CAPN1: variants seen among roughly 807,000 people sequenced by gnomAD.
CAPN1 encodes calpain 1.
Under a neutral mutation model 105.2 loss-of-function variants are expected in CAPN1, and 77 were observed. The ratio of observed to expected loss-of-function variants is 0.73; its 90% confidence interval spans 0.61 to 0.88. The LOEUF (loss-of-function observed/expected upper bound fraction) is 0.88, where lower values mean the gene tolerates loss of function less well. CAPN1 is among the 40% of genes least tolerant of loss of function. The probability of loss-of-function intolerance (pLI) is 0.00; values close to 1 mark genes in which losing one functional copy is unlikely to be tolerated. For missense variants in CAPN1, 833 were observed against 976.6 expected, an observed-to-expected ratio of 0.85 and a Z score of 1.96; for synonymous variants, 355 against 388.8, an observed-to-expected ratio of 0.91 and a Z score of 1.02.
intron 11 of CAPN1, among the ~76,000 whole-genome samples, chr11:65,205,181 C>T (rs924638791): frequency 4.6e-5 from 7 of 152,180 alleles, no homozygotes; most frequent in South Asian, 2.1e-4. Context: ...CTGAGCCCTC[C>T]GTCTTGGAAG....
chr11:65,186,246 G>A lies in CAPN1; in HGVS notation c.667G>A (p.Glu223Lys), dbSNP rs779787878. The change falls in exon 6 of 22, where the codon GAG becomes AAG. Residue 223 changes from glutamate to lysine, a missense_variant. Coordinates refer to ENST00000279247, the MANE Select transcript of CAPN1 (RefSeq NM_005186.4). ...GFEDFTGGVTEWYELRKAPSD... is the reference protein window; with the variant it reads ...GFEDFTGGVTKWYELRKAPSD... ...TGAGGACTTCACAGGCGGGGTTACC[G>A]AGTGGTACGAGTTGCGCAAGGCTCC... 12 of 1,613,504 alleles carry A rather than the reference G, an allele frequency of 7.4e-6. No homozygotes were observed. In the Admixed American group the frequency reaches 1.0e-4, roughly 13 times the overall value.
At position 65,209,467 on chromosome 11, in the gene CAPN1, C is replaced by A; in HGVS notation, c.1794+80C>A. On this transcript the variant is annotated intron_variant, in intron 17 of 21. Coordinates refer to ENST00000279247, the MANE Select transcript of CAPN1 (RefSeq NM_005186.4). The surrounding 1 kb of genome is among the most constrained non-coding windows in gnomAD (Gnocchi z 4.1). Reference sequence around the variant, plus strand: ...TGCTGGGAGAACTGTCCCAGGACAGCACAGAGAACAGGACAGAGCCATGCG... The same window carrying A: ...TGCTGGGAGAACTGTCCCAGGACAGAACAGAGAACAGGACAGAGCCATGCG... The A allele has an allele frequency of 1.7e-6, 2 of 1,205,052 alleles. No homozygotes were observed. The highest frequency in any genetic ancestry group is 2.4e-6 in the Non-Finnish European group (2 of 823,346). The allele number at this position is 1,205,052 out of a possible 1,614,324, so 74.6% of individuals were successfully genotyped here.
At chr11:65,190,731 G>A (rs1411119158) in intron 10 of CAPN1, among the ~76,000 whole-genome samples, 1 of 129,404 alleles carries the variant, frequency 7.7e-6, no homozygotes, top group Non-Finnish European at 1.7e-5. Context: ...TTTGTTTTTT[G>A]AGACGGAGTC....
At position 65,182,732 on chromosome 11, in the gene CAPN1, T is replaced by A; in HGVS notation, c.31T>A (p.Cys11Ser). 6.3e-7 allele frequency: 1 copy of A among 1,581,244 alleles called. No homozygotes were observed. The highest frequency in any genetic ancestry group is 1.2e-5 in the South Asian group (1 of 86,530). MSEEIITPVYCTGVSAQVQKQ... is the reference protein window; with the variant it reads MSEEIITPVYSTGVSAQVQKQ... The stretch of plus-strand genomic sequence containing the variant: ...GGAGGAGATCATCACGCCGGTGTAC[T>A]GCACTGGGGTGTCAGCCCAAGTGCA... Residue 11 changes from cysteine to serine, a missense_variant, in exon 2 of 22, where the codon TGC becomes AGC. Cys to Ser is a moderately radical substitution (Grantham distance 112). Coordinates refer to ENST00000279247, the MANE Select transcript of CAPN1 (RefSeq NM_005186.4).
chr11:65,186,458 C>A, intron 6 of CAPN1, 120 bp downstream of exon 6: 1 of 876,570 alleles, frequency 1.1e-6, no homozygotes, highest in African/African-American at 1.7e-5. Flanking sequence ...TAAGCTTCAT[C>A]TCTGGATGCA....
chr11:65,193,644 CAA>C (rs34729975), intron 10 of CAPN1, among the ~76,000 whole-genome samples: 6 of 58,770 alleles, frequency 1.0e-4, no homozygotes, highest in South Asian at 8.4e-4. Flanking sequence ...GACTCTGTCT[CAA>C]AAAAAAAAAA....
In CAPN1 at chr11:65,209,529, C is replaced by T. The variant is rs547946775; in HGVS notation, c.1794+142C>T. 2.7e-6 allele frequency: 2 copies of T among 736,634 alleles called. No individual in the cohort carries two copies. Among genetic ancestry groups the T allele is most frequent in the East Asian group, 2.7e-5 (1 of 36,906 alleles). 45.6% of individuals were successfully genotyped at this position (736,634 alleles called of 1,614,324 possible). A position where few individuals can be genotyped will look rare whatever the true frequency, so the allele number is the denominator to read the frequency against. The stretch of plus-strand genomic sequence containing the variant: ...CACAGTGCCCCATGCTCAGATGTCT[C>T]CCTGGACGTCTTCCTGTTGGTTGGG... On this transcript the variant is annotated intron_variant, in intron 17 of 21. Coordinates refer to ENST00000279247, the MANE Select transcript of CAPN1 (RefSeq NM_005186.4). The surrounding 1 kb of genome is among the most constrained non-coding windows in gnomAD (Gnocchi z 4.1).
At chr11:65,199,541 T>A (rs969756553) in intron 10 of CAPN1, among the ~76,000 whole-genome samples, 10 of 152,186 alleles carry the variant, frequency 6.6e-5, no homozygotes, top group African/African-American at 2.4e-4. Context: ...TCTCTGTATA[T>A]TCTAATAAAA....
chr11:65,190,506 G>A (rs965278432), intron 10 of CAPN1, among the ~76,000 whole-genome samples: 3 of 151,968 alleles, frequency 2.0e-5, no homozygotes, highest in Admixed American at 6.6e-5. Flanking sequence ...ACATCATCTC[G>A]TCTCTCCCCA....
In CAPN1 at chr11:65,205,960, A is replaced by T. The variant is rs1484363308; in HGVS notation, c.1353+239A>T. On this transcript the variant is annotated intron_variant, in intron 12 of 21. Coordinates refer to ENST00000279247, the MANE Select transcript of CAPN1 (RefSeq NM_005186.4). ...CCCTGGTCCTCAGAGCCCCTGTCTG[A>T]CATGTACACATGAGGCTTTTCCTGC... The T allele has an allele frequency of 5.3e-6, 3 of 571,316 alleles. No individual in the cohort carries two copies. In the South Asian group the frequency reaches 6.5e-5, roughly 12 times the overall value. The allele number at this position is 571,316 out of a possible 1,614,324, so 35.4% of individuals were successfully genotyped here. A position where few individuals can be genotyped will look rare whatever the true frequency, so the allele number is the denominator to read the frequency against.
Position 65,182,788 on chromosome 11 carries a change from C to T in CAPN1, c.87C>T (p.Gly29=), listed in dbSNP as rs1391961596. Residue 29 remains glycine (G), a synonymous_variant, in exon 2 of 22, where the codon GGC becomes GGT. Coordinates refer to ENST00000279247, the MANE Select transcript of CAPN1 (RefSeq NM_005186.4). ...AGCGGGCCAGGGAGCTGGGCCTGGG[C>T]CGCCATGAGAATGCCATCAAGTACC... ...QKQRARELGL[G]RHENAIKYLG... 1 of 1,582,272 alleles carries T rather than the reference C, an allele frequency of 6.3e-7. No individual in the cohort carries two copies.
intron 10 of CAPN1, among the ~76,000 whole-genome samples, chr11:65,192,708 C>A (rs947070102): frequency 6.6e-6 from 1 of 151,438 alleles, no homozygotes; most frequent in African/African-American, 2.4e-5. Context: ...AACTCCTGAG[C>A]TCAAATCCTG....
At chr11:65,201,880 T>G (rs1590861408) in intron 10 of CAPN1, among the ~76,000 whole-genome samples, 1 of 150,198 alleles carries the variant, frequency 6.7e-6, no homozygotes, top group African/African-American at 2.5e-5. Context: ...TGGAGTGCAG[T>G]GGCATGATCT....
Position 65,188,252 on chromosome 11 carries a change from G to C in CAPN1, c.930-162G>C. ...CGGGTGTGTGCAGGGCATCAGACTGGCCCTGATGAGACCACCCCCTAGAAG... is the reference window on the plus strand; with the variant it reads ...CGGGTGTGTGCAGGGCATCAGACTGCCCCTGATGAGACCACCCCCTAGAAG... On this transcript the variant is annotated intron_variant, in intron 8 of 21. Transcript: ENST00000279247. The surrounding 1 kb of genome is among the most constrained non-coding windows in gnomAD (Gnocchi z 5.5). The C allele has an allele frequency of 1.4e-6, 1 of 707,754 alleles. No individual in the cohort carries two copies. The highest frequency in any genetic ancestry group is 2.7e-5 in the Admixed American group (1 of 37,436). The allele number at this position is 707,754 out of a possible 1,614,324, so 43.8% of individuals were successfully genotyped here.
At chr11:65,196,562 T>C (rs1213286661) in intron 10 of CAPN1, among the ~76,000 whole-genome samples, 1 of 152,208 alleles carries the variant, frequency 6.6e-6, no homozygotes, top group Non-Finnish European at 1.5e-5. Context: ...CCTGCCTTAC[T>C]GTCAAATACT....
In CAPN1 at chr11:65,210,443, AC is replaced by A; in HGVS notation, c.2052del (p.Met685CysfsTer16). ...CGTTTGCTGCCTGGTGCGGCTAGAGACCATGTTCCGTGAGTGTCCCCAACTG... is the reference window on the plus strand; with the variant it reads ...CGTTTGCTGCCTGGTGCGGCTAGAGACATGTTCCGTGAGTGTCCCCAACTG... Reference protein sequence around the residue: ...NFVCCLVRLETMFRFFKTLDT... With the variant: ...NFVCCLVRLEXMFRFFKTLDT... On this transcript the variant is annotated frameshift_variant, in exon 20 of 22. Coordinates refer to ENST00000279247, the MANE Select transcript of CAPN1 (RefSeq NM_005186.4). LOFTEE classifies it high-confidence loss of function. This position sits in a 1 kb window ranked among gnomAD's most constrained non-coding sequence, Gnocchi z 4.3. 6.2e-7 allele frequency: 1 copy of A among 1,607,796 alleles called. No individual in the cohort carries two copies. Among genetic ancestry groups the A allele is most frequent in the Non-Finnish European group, 8.5e-7 (1 of 1,175,694 alleles).
At chr11:65,193,962 ATTTTTTTTTTTTT>A (rs60784154) in intron 10 of CAPN1, among the ~76,000 whole-genome samples, 1 of 76,206 alleles carries the variant, frequency 1.3e-5, no homozygotes, top group Non-Finnish European at 2.5e-5. Context: ...CTTTGGATTG[ATTTTTTTTTTTTT>A]TTTTTTTTTT....
At chr11:65,203,872 TTTATTA>T (rs201058925) in intron 10 of CAPN1, among the ~76,000 whole-genome samples, 2 of 151,814 alleles carry the variant, frequency 1.3e-5, no homozygotes, top group African/African-American at 4.8e-5. Context: ...TGTTATTATC[TTTATTA>T]TTATTATTAT....
chr11:65,206,820 G>T lies in CAPN1; in HGVS notation c.1605+1G>T, dbSNP rs974942560. 1.1e-5 allele frequency: 17 copies of T among 1,611,538 alleles called. No individual in the cohort carries two copies. The highest frequency in any genetic ancestry group is 2.2e-5 in the East Asian group (1 of 44,760). ...GATCCAGGCCAATCTCCCCGATGAG[G>T]TGCGTGGTCCCACCCCACCAGGCCC... On this transcript the variant is annotated splice_donor_variant, in intron 14 of 21. Coordinates refer to ENST00000279247, the MANE Select transcript of CAPN1 (RefSeq NM_005186.4). LOFTEE classifies it high-confidence loss of function.
Sources: gnomAD v4.1 joint callset for allele counts (sites outside exome capture counted in the v4.1 genomes callset) on GRCh38, gnomAD v4.1.1 for gene constraint, Gnocchi (gnomAD v3.1) non-coding constraint, MANE v1.5 for transcripts, NCBI Gene and HGNC (gene_info 2026-07-23, HGNC 2026-07-21) for gene names.